Variants in SCFD2 observed in about 807,000 individuals in gnomAD.
The protein encoded by SCFD2 is sec1 family domain containing 2.
Under a neutral mutation model 58.9 loss-of-function variants are expected in SCFD2, and 54 were observed. The ratio of observed to expected loss-of-function variants is 0.92; its 90% CI spans 0.74 to 1.15. The LOEUF (loss-of-function observed/expected upper bound fraction) is 1.15. Among genes scored for constraint, SCFD2 ranks in the 50% most tolerant of loss-of-function variants. The probability of loss-of-function intolerance (pLI) is 0.00; values close to 1 mark genes in which losing one functional copy is unlikely to be tolerated. For synonymous variants in SCFD2, 321 were observed against 335.9 expected (o/e 0.96, Z 0.49); for missense variants, 805 against 836.6 (o/e 0.96, Z 0.47).
At chr4:53,354,722 T>A (rs572138736) in intron 1 of SCFD2, among the ~76,000 whole-genome samples, 1 of 152,210 alleles carries the variant, frequency 6.6e-6, no homozygotes, top group South Asian at 2.1e-4. Context: ...GTCAGGTAAA[T>A]AGTGTCATAA....
At chr4:53,016,083 T>C (rs1324445317) in intron 5 of SCFD2, among the ~76,000 whole-genome samples, 3 of 152,214 alleles carry the variant, frequency 2.0e-5, no homozygotes, top group African/African-American at 7.2e-5. Context: ...CACGGTCACC[T>C]GGGGTGGAGG....
At chr4:53,129,651 G>A (rs919497115) in intron 5 of SCFD2, among the ~76,000 whole-genome samples, 4 of 152,114 alleles carry the variant, frequency 2.6e-5, no homozygotes, top group East Asian at 1.9e-4. Flanking sequence ...ACCTCATTTT[G>A]AAATTAGAGG....
intron 5 of SCFD2, chr4:52,951,022 AT>A (rs901415361): frequency 6.6e-6 from 1 of 152,214 alleles, no homozygotes; most frequent in Non-Finnish European, 1.5e-5. Context: ...AGAGAAAAAC[AT>A]TTAAAGTTGC....
intron 4 of SCFD2, among the ~76,000 whole-genome samples, chr4:53,227,772 T>A (rs1367742240): frequency 6.6e-6 from 1 of 152,056 alleles, no homozygotes; most frequent in Non-Finnish European, 1.5e-5. Context: ...AAAACAAAAA[T>A]AAGGAATTAT....
At chr4:52,918,729 A>C (rs796445715) in intron 6 of SCFD2, among the ~76,000 whole-genome samples, 112 of 152,326 alleles carry the variant, frequency 7.4e-4, no homozygotes, top group African/African-American at 2.5e-3. Flanking sequence ...AATGCTTTAC[A>C]GAATGACCTA....
intron 5 of SCFD2, among the ~76,000 whole-genome samples, chr4:52,926,500 G>A (rs1251985782): frequency 6.6e-6 from 1 of 152,156 alleles, no homozygotes; most frequent in East Asian, 1.9e-4. Flanking sequence ...CGTAGCTAGA[G>A]TAGGATTTGA....
intron 2 of SCFD2, among the ~76,000 whole-genome samples, chr4:53,325,571 G>T (rs1396955637): frequency 6.6e-6 from 1 of 152,140 alleles, no homozygotes; most frequent in Non-Finnish European, 1.5e-5. Context: ...GAACTAAAAG[G>T]CATCGTTGGA....
chr4:53,197,299 C>T (rs537249801), intron 4 of SCFD2, among the ~76,000 whole-genome samples: 2 of 152,256 alleles, frequency 1.3e-5, no homozygotes, highest in Non-Finnish European at 2.9e-5. Context: ...ATAAGATATG[C>T]TTGTCCCCAA....
At chr4:53,098,989 C>T (rs1330458039) in intron 5 of SCFD2, among the ~76,000 whole-genome samples, 1 of 152,150 alleles carries the variant, frequency 6.6e-6, no homozygotes, top group Admixed American at 6.6e-5. Context: ...TTGGCTGTCT[C>T]CTCCAGCTAA....
intron 5 of SCFD2, among the ~76,000 whole-genome samples, chr4:52,923,403 G>C (rs551789287): frequency 6.6e-6 from 1 of 152,044 alleles, no homozygotes; most frequent in East Asian, 1.9e-4. Context: ...GCTTGAGCCC[G>C]GGAGTTGGAG....
intron 3 of SCFD2, among the ~76,000 whole-genome samples, chr4:53,309,320 C>T (rs983809128): frequency 3.3e-5 from 5 of 152,170 alleles, no homozygotes; most frequent in African/African-American, 7.2e-5. Flanking sequence ...GTTGAAAGAA[C>T]TCATCGTATT....
intron 3 of SCFD2, among the ~76,000 whole-genome samples, chr4:53,307,551 A>C (rs1347698743): frequency 2.6e-5 from 4 of 152,234 alleles, no homozygotes; most frequent in African/African-American, 9.6e-5. Context: ...CAGTGACATG[A>C]ACAGAGAAAA....
Position 52,873,883 on chromosome 4 carries a change from C to A in SCFD2, c.*86G>T. The A allele has an allele frequency of 1.1e-6, 1 of 905,966 alleles. No homozygotes were observed. The highest frequency in any genetic ancestry group is 1.8e-6 in the Non-Finnish European group (1 of 548,802). 56.1% of individuals were successfully genotyped at this position (905,966 alleles called of 1,614,324 possible). On this transcript the variant is annotated 3_prime_UTR_variant, in exon 9 of 9. Coordinates refer to ENST00000401642, the MANE Select transcript of SCFD2 (RefSeq NM_152540.4). ...ATTCTCGCAATTAGTGACAGGGACG[C>A]TGGTTGTGGAGGAGTATTTGGAGTG...
intron 5 of SCFD2, among the ~76,000 whole-genome samples, chr4:53,096,639 A>G (rs1168572576): frequency 2.6e-5 from 4 of 152,306 alleles, no homozygotes; most frequent in Middle Eastern, 3.4e-3. Context: ...AGTAGATTGC[A>G]AAAATTTTCT....
At chr4:52,964,098 C>T (rs1041473865) in intron 5 of SCFD2, among the ~76,000 whole-genome samples, 8 of 152,190 alleles carry the variant, frequency 5.3e-5, no homozygotes, top group South Asian at 2.1e-4. Flanking sequence ...AAGACCAACA[C>T]ATCTTTTCCT....
intron 4 of SCFD2, among the ~76,000 whole-genome samples, chr4:53,217,600 T>C (rs891384936): frequency 3.9e-5 from 6 of 152,334 alleles, no homozygotes; most frequent in Non-Finnish European, 7.4e-5. Flanking sequence ...TTATCCAATT[T>C]GCCAGTCTGT....
chr4:53,329,127 C>A (rs938878661), intron 2 of SCFD2, among the ~76,000 whole-genome samples: 1 of 152,224 alleles, frequency 6.6e-6, no homozygotes, highest in Non-Finnish European at 1.5e-5. Flanking sequence ...GCTAGCACAG[C>A]AGTCTGAGAT....
chr4:53,322,905 A>C (rs775553414), intron 2 of SCFD2, among the ~76,000 whole-genome samples: 6 of 152,236 alleles, frequency 3.9e-5, no homozygotes, highest in Admixed American at 1.3e-4. Context: ...TTCATGTGTC[A>C]AGGAACTCTA....
At chr4:52,905,381 G>A (rs572812777) in intron 7 of SCFD2, among the ~76,000 whole-genome samples, 3 of 152,164 alleles carry the variant, frequency 2.0e-5, no homozygotes, top group African/African-American at 7.2e-5. Flanking sequence ...CACGGAGAAG[G>A]CCCATTTAGA....
Sources: allele counts gnomAD v4.1 joint callset (sites outside exome capture counted in the v4.1 genomes callset), GRCh38; gene constraint gnomAD v4.1.1; transcripts MANE v1.5; gene names NCBI Gene and HGNC (gene_info 2026-07-23, HGNC 2026-07-21).